KCND2: variants seen among roughly 807,000 people sequenced by gnomAD.
The protein encoded by KCND2 is potassium voltage-gated channel subfamily D member 2.
A neutral mutation model predicts 54.4 loss-of-function variants in KCND2; 16 were observed. The ratio of observed to expected loss-of-function variants is 0.29; its 90% CI spans 0.20 to 0.45. The LOEUF is 0.45. KCND2 is among the 20% of genes least tolerant of loss of function. The pLI is 1.00. For synonymous variants in KCND2, 317 were observed against 310.7 expected (o/e 1.02, Z -0.21); for missense variants, 486 against 824.2 (o/e 0.59, Z 5.02).
intron 1 of KCND2, among the ~76,000 whole-genome samples, chr7:120,339,503 CTGTGTGTGTGTGTGTGTGTGTG>C (rs10525061): frequency 6.7e-6 from 1 of 149,696 alleles, no homozygotes; most frequent in Non-Finnish European, 1.5e-5. Context: ...CTTTAGAAGG[CTGTGTGTGTGTGTGTGTGTGTG>C]TGTGTGTGTG....
At chr7:120,451,664 A>G (rs1385463910) in intron 1 of KCND2, among the ~76,000 whole-genome samples, 1 of 152,242 alleles carries the variant, frequency 6.6e-6, no homozygotes, top group Non-Finnish European at 1.5e-5. Context: ...CATGTCTCAC[A>G]TGATCTTACC....
At chr7:120,282,600 A>G (rs543661869) in intron 1 of KCND2, among the ~76,000 whole-genome samples, 1 of 152,218 alleles carries the variant, frequency 6.6e-6, no homozygotes, top group East Asian at 1.9e-4. Flanking sequence ...TAATAATGGG[A>G]AAAAATAACA....
intron 1 of KCND2, among the ~76,000 whole-genome samples, chr7:120,404,272 G>T (rs934767172): frequency 4.6e-5 from 7 of 152,222 alleles, no homozygotes; most frequent in African/African-American, 1.4e-4. Context: ...AAGATTTTAT[G>T]ATACTGTGTG....
chr7:120,510,335 T>G (rs1355045376), intron 1 of KCND2, among the ~76,000 whole-genome samples: 2 of 152,112 alleles, frequency 1.3e-5, no homozygotes, highest in Non-Finnish European at 2.9e-5. Flanking sequence ...AATGTTGAAT[T>G]CACTTGCTTA....
At chr7:120,371,086 T>TA (rs1800757882) in intron 1 of KCND2, among the ~76,000 whole-genome samples, 1 of 152,058 alleles carries the variant, frequency 6.6e-6, no homozygotes, top group Non-Finnish European at 1.5e-5. Context: ...GTCTCTATCG[T>TA]AATTGATGGG....
At chr7:120,321,120 T>G (rs553631154) in intron 1 of KCND2, among the ~76,000 whole-genome samples, 7 of 152,272 alleles carry the variant, frequency 4.6e-5, no homozygotes, top group African/African-American at 1.7e-4. Context: ...TGTAGATTTT[T>G]GCTATGTAGG....
chr7:120,456,609 T>A (rs1802204569), intron 1 of KCND2, among the ~76,000 whole-genome samples: 1 of 152,250 alleles, frequency 6.6e-6, no homozygotes, highest in Admixed American at 6.5e-5. Context: ...TGAAATCATA[T>A]GCATGATAAT....
At chr7:120,449,286 G>A (rs1321500830) in intron 1 of KCND2, among the ~76,000 whole-genome samples, 1 of 148,532 alleles carries the variant, frequency 6.7e-6, no homozygotes, top group African/African-American at 2.5e-5. Flanking sequence ...CCGAGATCAC[G>A]CCACTGCACT....
chr7:120,395,477 G>A lies in KCND2; in HGVS notation c.1115+119730G>A, dbSNP rs575784549. ...CACTCAAATTTTATACAAAATTGGG[G>A]CCTAGCCTGGGAGAGTTCTTGGCTT... On this transcript the variant is annotated intron_variant, in intron 1 of 5. Coordinates refer to ENST00000331113, the MANE Select transcript of KCND2 (RefSeq NM_012281.3). 4.6e-5 allele frequency among the ~76,000 whole-genome samples: 7 copies of A among 152,034 alleles called. No homozygotes were observed. In the South Asian group the frequency reaches 1.5e-3, roughly 32 times the overall value.
intron 1 of KCND2, among the ~76,000 whole-genome samples, chr7:120,380,753 A>G (rs543138998): frequency 5.3e-5 from 8 of 152,152 alleles, no homozygotes; most frequent in African/African-American, 4.8e-5. Context: ...CGTAAAAAAA[A>G]GATAGGTGTA....
rs146753844 is a variant in KCND2 at position 120,433,132 on chromosome 7, G to A, written c.1115+157385G>A. Among the ~76,000 whole-genome samples the A allele has an allele frequency of 8.1e-3, 1,233 of 152,202 alleles. 12 individuals are homozygous for A. The highest frequency in any genetic ancestry group is 0.028 in the African/African-American group (1,169 of 41,508). ...GTACAATAATCCATATCGTGTGGAC[G>A]CTTTTTCAAATTGTACATGTCCTTC... On this transcript the variant is annotated intron_variant, in intron 1 of 5. Coordinates refer to ENST00000331113, the MANE Select transcript of KCND2 (RefSeq NM_012281.3).
chr7:120,286,205 T>C (rs533879478), intron 1 of KCND2, among the ~76,000 whole-genome samples: 116 of 152,100 alleles, frequency 7.6e-4, no homozygotes, highest in African/African-American at 2.6e-3. Flanking sequence ...TTTTTGGATC[T>C]GTACATACTG....
At chr7:120,498,819 T>C (rs1204612257) in intron 1 of KCND2, among the ~76,000 whole-genome samples, 1 of 151,842 alleles carries the variant, frequency 6.6e-6, no homozygotes, top group Admixed American at 6.6e-5. Context: ...TAAAAGGCAC[T>C]GTGGAAACCT....
At chr7:120,320,333 A>C (rs777130246) in intron 1 of KCND2, among the ~76,000 whole-genome samples, 2 of 152,294 alleles carry the variant, frequency 1.3e-5, no homozygotes, top group Middle Eastern at 6.8e-3. Context: ...GCCTAGTATA[A>C]TGGATGTGAC....
At chr7:120,446,289 T>C (rs1802017859) in intron 1 of KCND2, among the ~76,000 whole-genome samples, 2 of 152,190 alleles carry the variant, frequency 1.3e-5, no homozygotes, top group Admixed American at 6.6e-5. Context: ...TATGTTGAAT[T>C]TGATCTTTAA....
chr7:120,560,379 T>C (rs937241722), intron 1 of KCND2, among the ~76,000 whole-genome samples: 8 of 152,216 alleles, frequency 5.3e-5, no homozygotes, highest in African/African-American at 1.9e-4. Flanking sequence ...TAAAATATTT[T>C]GCCTTAAAAA....
intron 2 of KCND2, among the ~76,000 whole-genome samples, chr7:120,733,617 T>A (rs1792834057): frequency 1.3e-5 from 2 of 152,064 alleles, no homozygotes. Context: ...CTATCAAGGG[T>A]CAAACTGGTT....
intron 1 of KCND2, among the ~76,000 whole-genome samples, chr7:120,688,573 G>C (rs1486639590): frequency 6.6e-6 from 1 of 152,140 alleles, no homozygotes; most frequent in Non-Finnish European, 1.5e-5. Context: ...TTGTTGTCCT[G>C]ATCTCCTTGA....
At chr7:120,676,274 G>T (rs1792059738) in intron 1 of KCND2, among the ~76,000 whole-genome samples, 1 of 152,084 alleles carries the variant, frequency 6.6e-6, no homozygotes, top group African/African-American at 2.4e-5. Flanking sequence ...TGGTAGGGTG[G>T]AATCTTTTTT....
Sources: gnomAD v4.1 joint callset for allele counts (sites outside exome capture counted in the v4.1 genomes callset) on GRCh38, gnomAD v4.1.1 for gene constraint, MANE v1.5 for transcripts, NCBI Gene and HGNC (gene_info 2026-07-23, HGNC 2026-07-21) for gene names.